Variants in KLF12 observed in about 807,000 individuals in gnomAD.
The protein encoded by KLF12 is Krueppel-like factor 12.
In KLF12, 9 loss-of-function variants were observed where a neutral mutation model predicts 37.8. That is an observed-to-expected ratio of 0.24 (90% CI 0.14 to 0.42). The LOEUF is 0.42. KLF12 is among the 10% of genes least tolerant of loss of function. The pLI, the probability that KLF12 is intolerant of heterozygous loss-of-function variation, is 1.00. For synonymous variants in KLF12, 208 were observed against 202.1 expected (o/e 1.03, Z -0.25); for missense variants, 411 against 516.0 (o/e 0.80, Z 1.97).
chr13:73,764,791 T>C, intron 6 of KLF12, 147 bp downstream of exon 6: 1 of 455,586 alleles, frequency 2.2e-6, no homozygotes, highest in Non-Finnish European at 3.9e-6. Context: ...TATTTCGAAC[T>C]GTCCAGAGGA....
intron 6 of KLF12, among the ~76,000 whole-genome samples, chr13:73,721,833 G>A (rs1165062750): frequency 1.3e-5 from 2 of 151,638 alleles, no homozygotes; most frequent in Non-Finnish European, 2.9e-5. Flanking sequence ...TTATAGGTAT[G>A]AGACACTATG....
intron 6 of KLF12, among the ~76,000 whole-genome samples, chr13:73,764,347 T>C (rs1037981613): frequency 6.6e-6 from 1 of 152,186 alleles, no homozygotes; most frequent in African/African-American, 2.4e-5. Context: ...ACACTTTAAA[T>C]CGCTTCTCTA....
the KLF12 span, among the ~76,000 whole-genome samples, chr13:74,183,347 C>T: frequency 6.6e-6 from 1 of 152,146 alleles, no homozygotes; most frequent in African/African-American, 2.4e-5. Flanking sequence ...ATCTAAGCCC[C>T]TCTCTCTGGA....
chr13:74,073,802 T>C (rs1287458160), intron 1 of KLF12, among the ~76,000 whole-genome samples: 1 of 152,184 alleles, frequency 6.6e-6, no homozygotes, highest in Non-Finnish European at 1.5e-5. Flanking sequence ...AAGCTGAATT[T>C]ACTTTTGAAA....
chr13:74,149,843 T>C, the KLF12 span, among the ~76,000 whole-genome samples: 1 of 152,206 alleles, frequency 6.6e-6, no homozygotes, highest in African/African-American at 2.4e-5. Context: ...CTTGTTGTTC[T>C]GAACACACCA....
intron 1 of KLF12, among the ~76,000 whole-genome samples, chr13:74,133,156 T>C (rs908888563): frequency 1.3e-5 from 2 of 152,154 alleles, no homozygotes; most frequent in Admixed American, 6.5e-5. Context: ...GAGACAATAA[T>C]GAATGTAGCA....
chr13:74,245,959 C>G, the KLF12 span, among the ~76,000 whole-genome samples: 1 of 152,208 alleles, frequency 6.6e-6, no homozygotes, highest in African/African-American at 2.4e-5. Flanking sequence ...TAACTTTTCC[C>G]CAGACACTAG....
chr13:74,269,998 T>C, the KLF12 span, among the ~76,000 whole-genome samples: 1 of 152,184 alleles, frequency 6.6e-6, no homozygotes, highest in African/African-American at 2.4e-5. Flanking sequence ...GTGGCAGTTA[T>C]GTCCTGAGAC....
At chr13:73,987,979 T>C (rs1194396842) in intron 2 of KLF12, among the ~76,000 whole-genome samples, 1 of 152,118 alleles carries the variant, frequency 6.6e-6, no homozygotes, top group African/African-American at 2.4e-5. Context: ...CTTTGACTTG[T>C]GTTTGTCATT....
chr13:74,126,220 T>C (rs1877933941), intron 1 of KLF12, among the ~76,000 whole-genome samples: 1 of 152,204 alleles, frequency 6.6e-6, no homozygotes, highest in Non-Finnish European at 1.5e-5. Flanking sequence ...ACTATACCTA[T>C]ATTATACAAA....
At chr13:74,168,086 T>C in the KLF12 span, among the ~76,000 whole-genome samples, 4 of 152,218 alleles carry the variant, frequency 2.6e-5, no homozygotes, top group Admixed American at 1.3e-4. Context: ...ATTTCCTATA[T>C]AAATTGAGGT....
chr13:73,696,268 ATAGTG>A (rs1435539847), intron 7 of KLF12, among the ~76,000 whole-genome samples: 1 of 152,196 alleles, frequency 6.6e-6, no homozygotes, highest in Non-Finnish European at 1.5e-5. Flanking sequence ...AGATGCCTTA[ATAGTG>A]TAAAGTTTAA....
intron 3 of KLF12, among the ~76,000 whole-genome samples, chr13:73,893,855 G>A (rs193077245): frequency 4.6e-5 from 7 of 152,220 alleles, no homozygotes; most frequent in Non-Finnish European, 5.9e-5. Flanking sequence ...CAGTCAAAAC[G>A]GAAACAGGGA....
intron 3 of KLF12, among the ~76,000 whole-genome samples, chr13:73,913,065 T>C (rs1362474342): frequency 6.6e-6 from 1 of 152,170 alleles, no homozygotes; most frequent in African/African-American, 2.4e-5. Context: ...GGCACACATT[T>C]CTCCGACACG....
intron 1 of KLF12, among the ~76,000 whole-genome samples, chr13:74,039,973 G>A (rs1427424351): frequency 6.6e-6 from 1 of 152,210 alleles, no homozygotes; most frequent in East Asian, 1.9e-4. Flanking sequence ...ACTCATGGAT[G>A]TCAAAGACCA....
intron 3 of KLF12, among the ~76,000 whole-genome samples, chr13:73,905,415 A>G (rs1311099948): frequency 1.3e-5 from 2 of 150,828 alleles, no homozygotes; most frequent in Non-Finnish European, 2.9e-5. Context: ...CACCTAGGCA[A>G]GTAATAGTAC....
the KLF12 span, among the ~76,000 whole-genome samples, chr13:74,177,886 C>G: frequency 6.6e-6 from 1 of 152,166 alleles, no homozygotes; most frequent in Non-Finnish European, 1.5e-5. Flanking sequence ...TTTTACATCA[C>G]CAAATGTTAA....
At chr13:74,180,778 T>A in the KLF12 span, among the ~76,000 whole-genome samples, 1 of 152,114 alleles carries the variant, frequency 6.6e-6, no homozygotes, top group African/African-American at 2.4e-5. Flanking sequence ...AATATAAAAA[T>A]TTAAAATGTA....
chr13:73,828,358 T>A (rs1172425461), intron 4 of KLF12, among the ~76,000 whole-genome samples: 5 of 152,224 alleles, frequency 3.3e-5, no homozygotes, highest in African/African-American at 1.2e-4. Context: ...TTCCAAGACA[T>A]CTCTCTGAAA....
Sources: allele counts gnomAD v4.1 joint callset (sites outside exome capture counted in the v4.1 genomes callset), GRCh38; gene constraint gnomAD v4.1.1; transcripts MANE v1.5; gene names NCBI Gene and HGNC (gene_info 2026-07-23, HGNC 2026-07-21).